RAD23B: variants seen among roughly 807,000 people sequenced by gnomAD.
The protein encoded by RAD23B is RAD23 nucleotide excision repair protein B.
RAD23B carries 5 observed loss-of-function variants against 49.1 expected under a neutral mutation model. The observed-to-expected ratio is 0.10, with a 90% CI of 0.05 to 0.21. The LOEUF (loss-of-function observed/expected upper bound fraction) is 0.21, where lower values mean the gene tolerates loss of function less well. Ranked by LOEUF, RAD23B falls within the 10% of genes least tolerant of loss-of-function variation. RAD23B has a pLI of 1.00. For missense variants in RAD23B, 356 were observed against 486.7 expected, an observed-to-expected ratio of 0.73 and a Z score of 2.53; for synonymous variants, 184 against 165.4, an observed-to-expected ratio of 1.11 and a Z score of -0.86.
chr9:107,318,736 C>T lies in RAD23B; in HGVS notation c.554-16C>T, dbSNP rs753972031. The T allele has an allele frequency of 1.9e-5, 31 of 1,599,218 alleles. No individual in the cohort carries two copies. The South Asian group carries it at 2.2e-4, about 12-fold the overall frequency. On this transcript the variant is annotated splice_polypyrimidine_tract_variant and intron_variant, in intron 5 of 9. Transcript: ENST00000358015. This position sits in a 1 kb window ranked among gnomAD's most constrained non-coding sequence, Gnocchi z 4.3. ...ATTAAATGTTCCTTTTTTTCCCCTC[C>T]ACCCTCCCTTTTTAGTGACGGGTCA...
At chr9:107,285,122 ACTT>A (rs1200771620) in intron 1 of RAD23B, among the ~76,000 whole-genome samples, 1 of 152,196 alleles carries the variant, frequency 6.6e-6, no homozygotes, top group Non-Finnish European at 1.5e-5. Context: ...TGTGTGATTA[ACTT>A]CTTAAAAGTA....
At chr9:107,313,048 T>A (rs1363221373) in intron 5 of RAD23B, among the ~76,000 whole-genome samples, 2 of 152,148 alleles carry the variant, frequency 1.3e-5, no homozygotes, top group East Asian at 3.9e-4. Context: ...CCTGCTTTTT[T>A]ATTTTATTTT....
chr9:107,324,607 A>C (rs1379092868), intron 8 of RAD23B, among the ~76,000 whole-genome samples: 1 of 151,954 alleles, frequency 6.6e-6, no homozygotes, highest in Non-Finnish European at 1.5e-5. Context: ...GGAGGCTCAG[A>C]GCACTTAAGA....
intron 2 of RAD23B, among the ~76,000 whole-genome samples, chr9:107,300,926 G>T (rs971772109): frequency 2.0e-5 from 3 of 152,136 alleles, no homozygotes; most frequent in Non-Finnish European, 4.4e-5. Context: ...TGGTGATTCA[G>T]TCCCATTATT....
rs1318253826 is a variant in RAD23B at position 107,318,479 on chromosome 9, T to C, written c.554-273T>C. On this transcript the variant is annotated intron_variant, in intron 5 of 9. Coordinates refer to ENST00000358015, the MANE Select transcript of RAD23B (RefSeq NM_002874.5). The surrounding 1 kb of genome is among the most constrained non-coding windows in gnomAD (Gnocchi z 4.3). ...CCTGGATAATCCAGAATGAGGTCTC[T>C]GTCTTAAAGTCAGCTGATTAGCAAC... is the stretch of plus-strand genomic sequence containing the variant. Among the ~76,000 whole-genome samples, 1 of 152,220 alleles carries C rather than the reference T, an allele frequency of 6.6e-6. No homozygotes were observed. The highest frequency in any genetic ancestry group is 1.5e-5 in the Non-Finnish European group (1 of 68,032).
intron 6 of RAD23B, among the ~76,000 whole-genome samples, chr9:107,319,129 T>TTTTC (rs1554743434): frequency 9.3e-3 from 31 of 3,318 alleles, no homozygotes; most frequent in African/African-American, 0.041. Flanking sequence ...TTCTTTTTTC[T>TTTTC]TTTTTTTTTT....
intron 6 of RAD23B, 123 bp from the exon 7 acceptor site, chr9:107,321,860 C>A: frequency 9.5e-7 from 1 of 1,052,144 alleles, no homozygotes; most frequent in Non-Finnish European, 1.3e-6. Context: ...TTAATTGAAG[C>A]AGACATCTGT....
intron 7 of RAD23B, among the ~76,000 whole-genome samples, chr9:107,322,951 TC>T (rs1447660741): frequency 6.6e-6 from 1 of 152,200 alleles, no homozygotes; most frequent in East Asian, 1.9e-4. Context: ...TCTCTAAGTC[TC>T]GTTGCCTTCA....
intron 5 of RAD23B, among the ~76,000 whole-genome samples, chr9:107,317,949 A>AT (rs1827028184): frequency 1.3e-5 from 2 of 152,034 alleles, no homozygotes; most frequent in African/African-American, 4.8e-5. Flanking sequence ...TCAAAGGGAA[A>AT]CTGTGAACTT....
intron 4 of RAD23B, among the ~76,000 whole-genome samples, chr9:107,308,048 A>G (rs1157582569): frequency 3.3e-5 from 5 of 152,176 alleles, no homozygotes; most frequent in African/African-American, 1.2e-4. Context: ...TAAAGCACTT[A>G]AATATTACAA....
At position 107,311,702 on chromosome 9, in the gene RAD23B, G is replaced by T; in HGVS notation, c.518G>T (p.Arg173Leu). The T allele has an allele frequency of 6.4e-7, 1 of 1,565,084 alleles. No individual in the cohort carries two copies. The highest frequency in any genetic ancestry group is 8.6e-7 in the Non-Finnish European group (1 of 1,163,486). The change falls in exon 5 of 10, where the codon CGG (arginine) becomes CTG (leucine). Residue 173 changes from arginine to leucine, a missense_variant. This residue lies in a region of RAD23B where 137 missense variants were observed against 122.0 expected (regional missense o/e 1.12). Coordinates refer to ENST00000358015, the MANE Select transcript of RAD23B (RefSeq NM_002874.5). ...ATDSTSGDSS[R>L]SNLFEDATSA... is the part of the protein sequence containing the mutation. ...TGTAGTACATCGGGTGATTCTTCTC[G>T]GTCAAACCTTTTTGAAGATGCAACG...
At chr9:107,300,408 G>A (rs1357005775) in intron 2 of RAD23B, among the ~76,000 whole-genome samples, 186 bp downstream of exon 2, 1 of 151,750 alleles carries the variant, frequency 6.6e-6, no homozygotes, top group Non-Finnish European at 1.5e-5. Context: ...CATTTGCCCT[G>A]TGTATTTTTC....
Position 107,311,697 on chromosome 9 carries a change from T to C in RAD23B, c.513T>C (p.Ser171=), listed in dbSNP as rs1201184037. 6.4e-7 allele frequency: 1 copy of C among 1,571,092 alleles called. No homozygotes were observed. The highest frequency in any genetic ancestry group is 1.4e-5 in the African/African-American group (1 of 71,886). The part of the protein sequence containing the change: ...PTATDSTSGD[S]SRSNLFEDAT... ...CCTTTTGTAGTACATCGGGTGATTC[T>C]TCTCGGTCAAACCTTTTTGAAGATG... The change falls in exon 5 of 10, where the codon TCT becomes TCC. Residue 171 remains serine, a synonymous_variant. Coordinates refer to ENST00000358015, the MANE Select transcript of RAD23B (RefSeq NM_002874.5).
chr9:107,290,541 A>G (rs1564239601), intron 1 of RAD23B, among the ~76,000 whole-genome samples: 2 of 152,140 alleles, frequency 1.3e-5, no homozygotes. Context: ...GGGAGTCCTC[A>G]CAACTTTGTA....
chr9:107,311,283 T>C (rs1418153410), intron 4 of RAD23B, among the ~76,000 whole-genome samples: 7 of 152,350 alleles, frequency 4.6e-5, no homozygotes, highest in African/African-American at 1.7e-4. Context: ...GGTTTCTCCA[T>C]GTGCTATTTT....
At chr9:107,300,093 A>AT (rs1418510531) in intron 1 of RAD23B, 48 bp from the exon 2 acceptor site, 10 of 1,578,502 alleles carry the variant, frequency 6.3e-6, no homozygotes, top group Non-Finnish European at 7.7e-6. Flanking sequence ...CTGGATTGTC[A>AT]TTTTTTATTT....
intron 5 of RAD23B, among the ~76,000 whole-genome samples, chr9:107,314,946 A>AATGTTTTTTGCCAGTC (rs1202374698): frequency 3.3e-5 from 5 of 152,038 alleles, no homozygotes; most frequent in African/African-American, 1.2e-4. Context: ...TCTTTTGAAG[A>AATGTTTTTTGCCAGTC]ATGTTTTTTG....
At chr9:107,310,235 G>A (rs539350424) in intron 4 of RAD23B, among the ~76,000 whole-genome samples, 1 of 152,100 alleles carries the variant, frequency 6.6e-6, no homozygotes, top group African/African-American at 2.4e-5. Context: ...ATTATAGATG[G>A]ATACGGATTT....
chr9:107,302,644 TTTTTG>T (rs1287443554), intron 3 of RAD23B, among the ~76,000 whole-genome samples: 1 of 139,406 alleles, frequency 7.2e-6, no homozygotes, highest in Non-Finnish European at 1.5e-5. Flanking sequence ...GAGGAAGTTT[TTTTTG>T]TTTTTGTTTT....
Sources: gnomAD v4.1 joint callset for allele counts (sites outside exome capture counted in the v4.1 genomes callset) on GRCh38, gnomAD v4.1.1 for gene constraint, gnomAD v4.1.1 regional missense constraint, Gnocchi (gnomAD v3.1) non-coding constraint, MANE v1.5 for transcripts, NCBI Gene and HGNC (gene_info 2026-07-23, HGNC 2026-07-21) for gene names.